Variants in WDPCP observed in about 807,000 individuals in gnomAD.
WDPCP encodes WD repeat-containing and planar cell polarity effector protein fritz homolog.
In WDPCP, 71 loss-of-function variants were observed where a neutral mutation model predicts 93.1. The observed-to-expected ratio is 0.76, with a 90% confidence interval of 0.63 to 0.93. WDPCP has a LOEUF of 0.93. Among genes scored for constraint, WDPCP ranks in the 40% least tolerant of loss-of-function variants. The pLI, the probability that WDPCP is intolerant of heterozygous loss-of-function variation, is 0.00. For missense variants in WDPCP, 844 were observed against 887.4 expected, an observed-to-expected ratio of 0.95 and a Z score of 0.62; for synonymous variants, 315 against 315.0, an observed-to-expected ratio of 1.00 and a Z score of 0.00.
At chr2:63,270,191 A>G (rs534285709) in intron 13 of WDPCP, among the ~76,000 whole-genome samples, 25 of 152,336 alleles carry the variant, frequency 1.6e-4, no homozygotes, top group Admixed American at 5.9e-4. Flanking sequence ...GGTCACAACA[A>G]TGAATCATCA....
At chr2:63,445,011 C>G (rs1000111820) in intron 6 of WDPCP, among the ~76,000 whole-genome samples, 8 of 152,100 alleles carry the variant, frequency 5.3e-5, no homozygotes, top group Non-Finnish European at 1.2e-4. Context: ...TTCTCTTAAC[C>G]CTAAAGTCTA....
chr2:63,487,522 T>A (rs1462868738), intron 2 of WDPCP, 28 bp from the exon 3 acceptor site: 1 of 1,534,514 alleles, frequency 6.5e-7, no homozygotes, highest in Non-Finnish European at 9.0e-7. Context: ...TAACATTAAA[T>A]TATGATTTAA....
chr2:63,342,699 C>G (rs1430711084), intron 12 of WDPCP, among the ~76,000 whole-genome samples: 1 of 152,094 alleles, frequency 6.6e-6, no homozygotes, highest in African/African-American at 2.4e-5. Flanking sequence ...TATATTGTAT[C>G]CCCATTTACA....
intron 6 of WDPCP, among the ~76,000 whole-genome samples, chr2:63,451,823 A>G (rs1307748036): frequency 6.6e-6 from 1 of 152,222 alleles, no homozygotes; most frequent in Non-Finnish European, 1.5e-5. Flanking sequence ...CCAGCATATA[A>G]ACAGAACCAA....
intron 9 of WDPCP, among the ~76,000 whole-genome samples, chr2:63,417,180 A>G (rs1695495867): frequency 6.6e-6 from 1 of 152,246 alleles, no homozygotes; most frequent in Non-Finnish European, 1.5e-5. Context: ...GCAGAATGAA[A>G]CAAAAAAAGA....
chr2:63,839,851 T>C, the WDPCP span, among the ~76,000 whole-genome samples: 1 of 152,088 alleles, frequency 6.6e-6, no homozygotes, highest in South Asian at 2.1e-4. Flanking sequence ...GGCCGAGAGG[T>C]TTTTGAGTGT....
At chr2:63,276,897 A>G (rs1437878417) in intron 13 of WDPCP, among the ~76,000 whole-genome samples, 1 of 152,208 alleles carries the variant, frequency 6.6e-6, no homozygotes, top group African/African-American at 2.4e-5. Flanking sequence ...AATTTATCAC[A>G]AAAAGATCAT....
rs537356169 is a variant in WDPCP, at chr2:63,769,204, C to T, written n.308+44418G>A. ...TTGGGGAAAAAAATGAATACATTGC[C>T]AGTGGGTATGTATTATGTAGGACAT... On this transcript the variant is annotated intron_variant and non_coding_transcript_variant, in intron 2 of 4. Coordinates refer to the WDPCP transcript ENST00000467687. 1.7e-4 allele frequency among the ~76,000 whole-genome samples: 26 copies of T among 151,776 alleles called. No homozygotes were observed. In the East Asian group the frequency reaches 4.9e-3, roughly 28 times the overall value.
At chr2:63,566,291 C>T (rs1707050935) in intron 1 of WDPCP, among the ~76,000 whole-genome samples, 1 of 152,208 alleles carries the variant, frequency 6.6e-6, no homozygotes, top group Non-Finnish European at 1.5e-5. Flanking sequence ...TGATTTGCGT[C>T]CTTTGGAAAA....
At chr2:63,297,086 G>A (rs1238892512) in intron 13 of WDPCP, among the ~76,000 whole-genome samples, 1 of 152,198 alleles carries the variant, frequency 6.6e-6, no homozygotes, top group Non-Finnish European at 1.5e-5. Context: ...ATGTCTGAGA[G>A]GCTGAAGAAG....
At chr2:63,779,294 C>T (rs1670353489) in intron 2 of WDPCP, among the ~76,000 whole-genome samples, 1 of 152,126 alleles carries the variant, frequency 6.6e-6, no homozygotes, top group Non-Finnish European at 1.5e-5. Context: ...CGTAACCTAT[C>T]GTATAAATGA....
chr2:63,399,023 C>G (rs759240610), intron 10 of WDPCP, among the ~76,000 whole-genome samples: 1 of 151,752 alleles, frequency 6.6e-6, no homozygotes, highest in Non-Finnish European at 1.5e-5. Context: ...TCTACTCTTC[C>G]GAGGAAAAAT....
chr2:63,268,824 T>A (rs1682380893), intron 13 of WDPCP, among the ~76,000 whole-genome samples: 1 of 152,148 alleles, frequency 6.6e-6, no homozygotes, highest in South Asian at 2.1e-4. Context: ...AAAAATAAAT[T>A]GGTAAGGTAA....
chr2:63,703,292 G>A (rs1669091619), intron 2 of WDPCP, among the ~76,000 whole-genome samples: 2 of 152,114 alleles, frequency 1.3e-5, no homozygotes, highest in African/African-American at 2.4e-5. Context: ...CTGAGGAATC[G>A]CCACACCAAC....
At chr2:63,421,139 C>T (rs2105351664) in intron 9 of WDPCP, among the ~76,000 whole-genome samples, 1 of 152,238 alleles carries the variant, frequency 6.6e-6, no homozygotes, top group Non-Finnish European at 1.5e-5. Flanking sequence ...CAATTGTTTT[C>T]AAATGGATAC....
At chr2:63,224,748 A>G (rs1374975392) in intron 14 of WDPCP, among the ~76,000 whole-genome samples, 1 of 152,038 alleles carries the variant, frequency 6.6e-6, no homozygotes, top group Non-Finnish European at 1.5e-5. Flanking sequence ...AGAGATGAAC[A>G]GGCAGAGCAC....
In WDPCP at chr2:63,526,055, CTGTG is replaced by C. The variant is rs34946446; in HGVS notation, c.76-33119_76-33116del. 3.8e-3 allele frequency among the ~76,000 whole-genome samples: 560 copies of C among 148,798 alleles called. 3 individuals are homozygous for C. Among genetic ancestry groups the C allele is most frequent in the East Asian group, 0.023 (116 of 4,978 alleles). On this transcript the variant is annotated intron_variant, in intron 1 of 17. Coordinates refer to ENST00000272321, the MANE Select transcript of WDPCP (RefSeq NM_015910.7). ...AATACTTCTGTTGTTGCTGTTGCTA[CTGTG>C]TGTGTGTGTGTGTGTGTGTGTACAC...
At chr2:63,615,976 G>A (rs957537631) in intron 3 of WDPCP, among the ~76,000 whole-genome samples, 3 of 152,180 alleles carry the variant, frequency 2.0e-5, no homozygotes, top group African/African-American at 7.2e-5. Flanking sequence ...GGCATTTCCA[G>A]AATAAAGTTG....
intron 3 of WDPCP, among the ~76,000 whole-genome samples, chr2:63,632,679 A>C (rs529175099): frequency 1.3e-5 from 2 of 152,308 alleles, no homozygotes; most frequent in East Asian, 3.9e-4. Context: ...TTAGGGAAAT[A>C]AAAAAGGAAA....
Sources: allele counts gnomAD v4.1 joint callset (sites outside exome capture counted in the v4.1 genomes callset), GRCh38; gene constraint gnomAD v4.1.1; transcripts MANE v1.5; gene names NCBI Gene and HGNC (gene_info 2026-07-23, HGNC 2026-07-21).